The following RPH3A variants were observed in gnomAD, a reference collection of about 807,000 sequenced individuals.
RPH3A encodes rabphilin-3A.
A neutral mutation model predicts 102.2 loss-of-function variants in RPH3A; 48 were observed. That is an observed-to-expected ratio of 0.47 (90% CI 0.37 to 0.60). RPH3A has a LOEUF of 0.60. Ranked by LOEUF, RPH3A falls within the 20% of genes least tolerant of loss-of-function variation. RPH3A has a pLI of 0.00. For synonymous variants in RPH3A, 310 were observed against 324.3 expected (o/e 0.96, Z 0.47); for missense variants, 781 against 910.1 (o/e 0.86, Z 1.83).
intron 1 of RPH3A, among the ~76,000 whole-genome samples, chr12:112,683,179 T>TG (rs1473912931): frequency 1.4e-4 from 22 of 152,130 alleles, no homozygotes; most frequent in Non-Finnish European, 2.6e-4. Flanking sequence ...TAGGGGGTGG[T>TG]TACGGGCCGA....
At chr12:112,822,878 G>C (rs2041805290) in intron 2 of RPH3A, among the ~76,000 whole-genome samples, 1 of 152,344 alleles carries the variant, frequency 6.6e-6, no homozygotes. Context: ...ACTTTCAGTT[G>C]TTGTTGTTGC....
Position 112,679,512 on chromosome 12 carries a change from A to C in RPH3A, c.-140+104193A>C, listed in dbSNP as rs568759379. 9.1e-4 allele frequency among the ~76,000 whole-genome samples: 138 copies of C among 151,598 alleles called. 1 individual carries two copies. The highest frequency in any genetic ancestry group is 3.3e-3 in the African/African-American group (136 of 41,310). On this transcript the variant is annotated intron_variant, in intron 1 of 21. Coordinates refer to the RPH3A transcript ENST00000543106. Reference sequence around the variant, plus strand: ...GCAATCTTGGCTCACTGCAACCTCCACCTCCCGGATTTAAGCAGTTCTCCT... The same window carrying C: ...GCAATCTTGGCTCACTGCAACCTCCCCCTCCCGGATTTAAGCAGTTCTCCT...
intron 2 of RPH3A, among the ~76,000 whole-genome samples, chr12:112,808,484 T>C (rs368352838): frequency 6.6e-6 from 1 of 152,164 alleles, no homozygotes; most frequent in South Asian, 2.1e-4. Flanking sequence ...GATTATTTTT[T>C]AAAAGGAAAG....
intron 1 of RPH3A, among the ~76,000 whole-genome samples, chr12:112,665,709 C>T (rs958763404): frequency 2.0e-5 from 3 of 152,206 alleles, no homozygotes; most frequent in Non-Finnish European, 4.4e-5. Context: ...CCTCAAATTT[C>T]TTTTATCCTT....
At chr12:112,710,904 A>G (rs1006049843) in intron 1 of RPH3A, among the ~76,000 whole-genome samples, 40 of 152,106 alleles carry the variant, frequency 2.6e-4, no homozygotes, top group African/African-American at 9.7e-4. Flanking sequence ...CACCTAGCAC[A>G]TAGTAGGTGC....
intron 1 of RPH3A, among the ~76,000 whole-genome samples, chr12:112,726,281 A>C (rs755018958): frequency 3.3e-5 from 5 of 151,170 alleles, no homozygotes; most frequent in Admixed American, 3.3e-4. Context: ...CACCTAGCTA[A>C]TTTTTGTGTT....
Position 112,786,486 on chromosome 12 carries a change from C to T in RPH3A, c.-139-5657C>T, listed in dbSNP as rs114314469. Reference sequence around the variant, plus strand: ...GTGCTCCTGGAAAGCTGCCCTGTGACATTTCTTCCCTTTTGTGTCCCTGAC... The same window carrying T: ...GTGCTCCTGGAAAGCTGCCCTGTGATATTTCTTCCCTTTTGTGTCCCTGAC... On this transcript the variant is annotated intron_variant, in intron 1 of 21. Coordinates refer to the RPH3A transcript ENST00000543106. 5.7e-3 allele frequency among the ~76,000 whole-genome samples: 862 copies of T among 152,310 alleles called. 9 individuals are homozygous for T. The highest frequency in any genetic ancestry group is 0.02 in the African/African-American group (820 of 41,562).
chr12:112,671,514 A>G (rs2040129913), intron 1 of RPH3A, among the ~76,000 whole-genome samples: 1 of 152,156 alleles, frequency 6.6e-6, no homozygotes, highest in South Asian at 2.1e-4. Context: ...TTCACATCTC[A>G]TCAGTCAGAA....
chr12:112,794,409 C>A (rs1438213880), intron 2 of RPH3A, among the ~76,000 whole-genome samples: 1 of 152,068 alleles, frequency 6.6e-6, no homozygotes, highest in Non-Finnish European at 1.5e-5. Context: ...GGGGAGAGGC[C>A]CTGTTTGGGG....
chr12:112,678,319 A>AGAGAGAGAGAG (rs1225677838), intron 1 of RPH3A, among the ~76,000 whole-genome samples: 4 of 68,616 alleles, frequency 5.8e-5, no homozygotes, highest in East Asian at 5.2e-4. Flanking sequence ...GAGAGAGAGA[A>AGAGAGAGAGAG]AGAAAGAAAG....
At position 112,870,022 on chromosome 12, in the gene RPH3A, C is replaced by G. The variant is rs914617955; in HGVS notation, c.779C>G (p.Ser260Cys). The G allele has an allele frequency of 3.1e-6, 5 of 1,613,028 alleles. No homozygotes were observed. Among genetic ancestry groups the G allele is most frequent in the African/African-American group, 1.3e-5 (1 of 74,938 alleles). Residue 260 changes from serine (S) to cysteine (C), a missense_variant, in exon 10 of 22, where the codon TCC becomes TGC. Physicochemically the swap from Ser to Cys is moderately radical, Grantham distance 112. Transcript: ENST00000389385. ...SWDHSGGAGD[S>C]SRSPAGLRRA... ...GACCACAGTGGGGGTGCTGGAGACTCCAGCCGGAGCCCAGCAGGTGAGCAA... is the reference window on the plus strand; with the variant it reads ...GACCACAGTGGGGGTGCTGGAGACTGCAGCCGGAGCCCAGCAGGTGAGCAA...
intron 4 of RPH3A, 73 bp downstream of exon 4, chr12:112,836,575 C>T: frequency 1.4e-6 from 1 of 724,100 alleles, no homozygotes; most frequent in Non-Finnish European, 2.1e-6. Flanking sequence ...ATCAAGGTGG[C>T]TTTCCCCTAA....
At chr12:112,597,198 C>T (rs233719) in intron 1 of RPH3A, among the ~76,000 whole-genome samples, 18,627 of 152,100 alleles carry the variant, frequency 0.12, 1,419 homozygotes, top group South Asian at 0.18. Flanking sequence ...TGAGAAAAGA[C>T]GGTGTTCAAG....
At chr12:112,806,496 A>G (rs112096439) in intron 2 of RPH3A, among the ~76,000 whole-genome samples, 6,651 of 152,146 alleles carry the variant, frequency 0.044, 474 homozygotes, top group African/African-American at 0.15. Flanking sequence ...TTAGCCAGGC[A>G]TAGTGGCAGG....
At chr12:112,595,241 A>G (rs1261627859) in intron 1 of RPH3A, among the ~76,000 whole-genome samples, 1 of 152,202 alleles carries the variant, frequency 6.6e-6, no homozygotes, top group Non-Finnish European at 1.5e-5. Context: ...CACCTAGTAA[A>G]TGCTCAATAA....
At chr12:112,706,135 T>C (rs1189969273) in intron 1 of RPH3A, among the ~76,000 whole-genome samples, 1 of 152,218 alleles carries the variant, frequency 6.6e-6, no homozygotes, top group Non-Finnish European at 1.5e-5. Flanking sequence ...GCCTCTCCCA[T>C]ATCCCCTTGG....
At chr12:112,665,907 A>G (rs2040080387) in intron 1 of RPH3A, among the ~76,000 whole-genome samples, 1 of 152,146 alleles carries the variant, frequency 6.6e-6, no homozygotes, top group African/African-American at 2.4e-5. Context: ...AGATTTCCTG[A>G]AAGTTACTTT....
intron 1 of RPH3A, among the ~76,000 whole-genome samples, chr12:112,687,324 G>A (rs768184798): frequency 6.6e-6 from 1 of 152,004 alleles, no homozygotes; most frequent in Non-Finnish European, 1.5e-5. Flanking sequence ...ATTTACCTTC[G>A]TGCTTGTCCC....
chr12:112,894,883 T>G (rs540239468), intron 20 of RPH3A, among the ~76,000 whole-genome samples: 1 of 152,314 alleles, frequency 6.6e-6, no homozygotes, highest in African/African-American at 2.4e-5. Flanking sequence ...ATGTTCAGCA[T>G]TACTTAGTTA....
Sources: allele counts gnomAD v4.1 joint callset (sites outside exome capture counted in the v4.1 genomes callset), GRCh38; gene constraint gnomAD v4.1.1; transcripts MANE v1.5; gene names NCBI Gene and HGNC (gene_info 2026-07-23, HGNC 2026-07-21).